CSRP1: variants seen among roughly 807,000 people sequenced by gnomAD.
CSRP1 encodes the protein cysteine and glycine rich protein 1, also known as cysteine and glycine-rich protein 1.
In CSRP1, 16 loss-of-function variants were observed where a neutral mutation model predicts 25.4. That is an observed-to-expected ratio of 0.63 (90% CI 0.43 to 0.96). CSRP1 has a LOEUF of 0.96. Among genes scored for constraint, CSRP1 ranks in the 40% least tolerant of loss-of-function variants. The pLI, the probability that CSRP1 is intolerant of heterozygous loss-of-function variation, is 0.00. For missense variants in CSRP1, 212 were observed against 243.6 expected, an observed-to-expected ratio of 0.87 and a Z score of 0.86; for synonymous variants, 97 against 95.3, an observed-to-expected ratio of 1.02 and a Z score of -0.10.
At chr1:201,506,471 C>T (rs1420037008) in intron 1 of CSRP1, among the ~76,000 whole-genome samples, 1 of 152,204 alleles carries the variant, frequency 6.6e-6, no homozygotes, top group Non-Finnish European at 1.5e-5. Flanking sequence ...TGCTCAATAC[C>T]AGCCCCTTTA....
chr1:201,505,664 T>C (rs770457954), intron 1 of CSRP1, among the ~76,000 whole-genome samples: 1 of 152,222 alleles, frequency 6.6e-6, no homozygotes, highest in Non-Finnish European at 1.5e-5. Context: ...CAAAGAGTCA[T>C]TCACTGGAAG....
chr1:201,487,030 CAATAAT>C, intron 4 of CSRP1: 1 of 1,277,936 alleles, frequency 7.8e-7, no homozygotes, highest in Non-Finnish European at 1.0e-6. Context: ...AAATAAACAA[CAATAAT>C]AATAACAATA....
chr1:201,507,029 C>CA (rs1478092318), intron 1 of CSRP1, 41 bp downstream of exon 1: 8 of 152,198 alleles, frequency 5.3e-5, no homozygotes, highest in African/African-American at 1.9e-4. Flanking sequence ...CCAGGCGCCC[C>CA]TCCGCGGCGG....
At chr1:201,499,197 AC>A (rs1324374036) in intron 1 of CSRP1, among the ~76,000 whole-genome samples, 1 of 152,210 alleles carries the variant, frequency 6.6e-6, no homozygotes, top group Non-Finnish European at 1.5e-5. Flanking sequence ...GATGTGAAGG[AC>A]AGTTAGACAG....
chr1:201,499,765 G>A (rs1435721126), intron 1 of CSRP1, among the ~76,000 whole-genome samples: 1 of 152,026 alleles, frequency 6.6e-6, no homozygotes, highest in East Asian at 1.9e-4. Context: ...ATAGGCGCCC[G>A]CCACCACCAC....
chr1:201,492,907 A>C (rs641581), intron 2 of CSRP1: 86,622 of 152,332 alleles, frequency 0.57, 25,763 homozygotes, highest in Non-Finnish European at 0.67. Flanking sequence ...GGTGTCAGAA[A>C]GTGTGCAAGG....
intron 4 of CSRP1, chr1:201,487,048 C>T: frequency 8.4e-7 from 1 of 1,183,960 alleles, no homozygotes; most frequent in Non-Finnish European, 1.1e-6. Flanking sequence ...ATAACAATAG[C>T]AAAACTGTAC....
intron 2 of CSRP1, among the ~76,000 whole-genome samples, chr1:201,494,422 A>G (rs2102409458): frequency 6.6e-6 from 1 of 152,254 alleles, no homozygotes; most frequent in East Asian, 1.9e-4. Flanking sequence ...GGAAATTCCT[A>G]AGAGTAGTGA....
chr1:201,504,182 C>T (rs1664747423), intron 1 of CSRP1, among the ~76,000 whole-genome samples: 1 of 152,184 alleles, frequency 6.6e-6, no homozygotes, highest in Non-Finnish European at 1.5e-5. Context: ...AAACAGTCAG[C>T]TTATGTTTGA....
At chr1:201,501,891 G>A (rs566515190) in intron 1 of CSRP1, among the ~76,000 whole-genome samples, 1 of 152,098 alleles carries the variant, frequency 6.6e-6, no homozygotes, top group Admixed American at 6.5e-5. Flanking sequence ...TACTCCGGAG[G>A]CTGAGGCATG....
chr1:201,490,241 G>A lies in CSRP1; in HGVS notation c.216C>T (p.Gly72=). 6.2e-7 allele frequency: 1 copy of A among 1,614,170 alleles called. No individual in the cohort carries two copies. Among genetic ancestry groups the A allele is most frequent in the Non-Finnish European group, 8.5e-7 (1 of 1,180,050 alleles). Residue 72 remains glycine, a synonymous_variant, in exon 3 of 6, where the codon GGC becomes GGT. Transcript: ENST00000340006. The stretch of plus-strand genomic sequence containing the variant: ...TGAGGGTGCCTGCGCCCTGCCCGTA[G>A]CCATAGCCTTTGGGCCCATACTTCT... ...YGKKYGPKGY[G]YGQGAGTLST... is the part of the protein sequence containing the mutation.
At chr1:201,506,271 G>A (rs1664820588) in intron 1 of CSRP1, among the ~76,000 whole-genome samples, 1 of 152,162 alleles carries the variant, frequency 6.6e-6, no homozygotes, top group South Asian at 2.1e-4. Flanking sequence ...CAGCTGGTGG[G>A]TGGCTGGAGC....
intron 2 of CSRP1, 84 bp downstream of exon 2, chr1:201,496,108 T>C (rs758155746): frequency 9.6e-5 from 96 of 1,002,326 alleles, no homozygotes; most frequent in Non-Finnish European, 1.4e-4. Context: ...ATCAGTTCCC[T>C]GGGGTGTTGA....
At chr1:201,493,181 T>C (rs1387389722) in intron 2 of CSRP1, among the ~76,000 whole-genome samples, 1 of 152,172 alleles carries the variant, frequency 6.6e-6, no homozygotes, top group East Asian at 1.9e-4. Flanking sequence ...TTCAAGACCA[T>C]GGGAGTATAC....
In CSRP1 at chr1:201,490,359, G is replaced by A. The variant is rs1224360179; in HGVS notation, c.113-15C>T. On this transcript the variant is annotated splice_polypyrimidine_tract_variant and intron_variant, in intron 2 of 5. Coordinates refer to ENST00000340006, the MANE Select transcript of CSRP1 (RefSeq NM_004078.3). Reference sequence around the variant, plus strand: ...CTTGCAGACCACTGTGGAGGGGAAGGGGAAGCGGACGCATTGAGTTGAAGC... The same window carrying A: ...CTTGCAGACCACTGTGGAGGGGAAGAGGAAGCGGACGCATTGAGTTGAAGC... The A allele has an allele frequency of 6.2e-7, 1 of 1,611,860 alleles. No homozygotes were observed. The highest frequency in any genetic ancestry group is 8.5e-7 in the Non-Finnish European group (1 of 1,178,544).
intron 1 of CSRP1, among the ~76,000 whole-genome samples, chr1:201,501,499 G>A (rs75906740): frequency 0.035 from 5,282 of 152,256 alleles, 297 homozygotes; most frequent in African/African-American, 0.12. Context: ...TTCCTGAAAC[G>A]GCTGGCGGCT....
chr1:201,499,973 C>G (rs1324135505), intron 1 of CSRP1, among the ~76,000 whole-genome samples: 2 of 152,130 alleles, frequency 1.3e-5, no homozygotes, highest in Non-Finnish European at 1.5e-5. Flanking sequence ...GTATGCCCAC[C>G]TTACAGACAA....
At chr1:201,502,500 A>G (rs1664700604) in intron 1 of CSRP1, among the ~76,000 whole-genome samples, 2 of 152,208 alleles carry the variant, frequency 1.3e-5, no homozygotes, top group Admixed American at 1.3e-4. Context: ...CCTGAAGCTC[A>G]GGGTCACGGG....
intron 3 of CSRP1, 103 bp downstream of exon 3, chr1:201,490,073 C>A: frequency 1.7e-6 from 2 of 1,195,124 alleles, no homozygotes; most frequent in Non-Finnish European, 2.3e-6. Flanking sequence ...GTTTTCTGAG[C>A]CTTCCATTGC....
Sources: allele counts gnomAD v4.1 joint callset (sites outside exome capture counted in the v4.1 genomes callset), GRCh38; gene constraint gnomAD v4.1.1; transcripts MANE v1.5; gene names NCBI Gene and HGNC (gene_info 2026-07-23, HGNC 2026-07-21).